The following CACNG3 variants were observed in gnomAD, a reference collection of about 807,000 sequenced individuals.
The protein encoded by CACNG3 is calcium voltage-gated channel auxiliary subunit gamma 3, also known as voltage-dependent calcium channel gamma-3 subunit.
Under a neutral mutation model 28.5 loss-of-function variants are expected in CACNG3, and 3 were observed. The observed-to-expected ratio is 0.11, with a 90% CI of 0.05 to 0.27. CACNG3 has a LOEUF of 0.27. Ranked by LOEUF, CACNG3 falls within the 10% of genes least tolerant of loss-of-function variation. The pLI, the probability that CACNG3 is intolerant of heterozygous loss-of-function variation, is 1.00. For synonymous variants in CACNG3, 174 were observed against 162.2 expected (o/e 1.07, Z -0.55); for missense variants, 236 against 414.4 (o/e 0.57, Z 3.74).
intron 1 of CACNG3, among the ~76,000 whole-genome samples, chr16:24,328,577 GA>G (rs1567220096): frequency 6.6e-6 from 1 of 151,496 alleles, no homozygotes; most frequent in Non-Finnish European, 1.5e-5. Context: ...TAGGAAATAA[GA>G]AGTCAGAAAA....
At chr16:24,316,817 C>T (rs1899358399) in intron 1 of CACNG3, among the ~76,000 whole-genome samples, 1 of 152,228 alleles carries the variant, frequency 6.6e-6, no homozygotes, top group South Asian at 2.1e-4. Context: ...GGAGTGGAAA[C>T]AAACAGACCT....
At chr16:24,318,190 T>A (rs11074614) in intron 1 of CACNG3, among the ~76,000 whole-genome samples, 111,242 of 150,960 alleles carry the variant, frequency 0.74, 41,017 homozygotes, top group Middle Eastern at 0.83. Flanking sequence ...TCCTTTTGTA[T>A]TTTTTTTTTC....
chr16:24,322,089 T>A (rs1158257647), intron 1 of CACNG3, among the ~76,000 whole-genome samples: 2 of 152,092 alleles, frequency 1.3e-5, no homozygotes, highest in African/African-American at 4.8e-5. Flanking sequence ...GCTAATTCAA[T>A]GGGGGAACCT....
chr16:24,298,354 C>A (rs1030149060), intron 1 of CACNG3, among the ~76,000 whole-genome samples: 2 of 152,000 alleles, frequency 1.3e-5, no homozygotes, highest in African/African-American at 2.4e-5. Context: ...TTTAGTTAAT[C>A]CCCAGTTATT....
chr16:24,301,826 T>C (rs1179526676), intron 1 of CACNG3, among the ~76,000 whole-genome samples: 1 of 152,170 alleles, frequency 6.6e-6, no homozygotes, highest in Non-Finnish European at 1.5e-5. Flanking sequence ...AGTGGAGACA[T>C]TAAAGATCAT....
At chr16:24,351,735 G>A (rs1157180636) in intron 2 of CACNG3, among the ~76,000 whole-genome samples, 2 of 78,884 alleles carry the variant, frequency 2.5e-5, no homozygotes, top group African/African-American at 4.9e-5. Flanking sequence ...GAGAGAGAGA[G>A]AAAGGAAGGA....
chr16:24,347,874 A>G (rs1899890387), intron 2 of CACNG3, among the ~76,000 whole-genome samples: 1 of 151,916 alleles, frequency 6.6e-6, no homozygotes, highest in Non-Finnish European at 1.5e-5. Flanking sequence ...ACCTTTCTTC[A>G]TTTTTTTCTG....
intron 1 of CACNG3, among the ~76,000 whole-genome samples, chr16:24,297,025 G>C (rs980694540): frequency 6.6e-6 from 1 of 152,074 alleles, no homozygotes; most frequent in African/African-American, 2.4e-5. Flanking sequence ...AGAACTTTGG[G>C]AGGCCAAGGC....
intron 1 of CACNG3, among the ~76,000 whole-genome samples, chr16:24,275,216 G>C (rs1198602117): frequency 2.0e-5 from 3 of 151,960 alleles, no homozygotes; most frequent in Admixed American, 2.0e-4. Flanking sequence ...GATATGATTT[G>C]CTTTTTTCAA....
Position 24,346,581 on chromosome 16 carries a change from TA to T in CACNG3, c.212-147del, listed in dbSNP as rs572934113. Among the ~76,000 whole-genome samples, 1,333 of 151,926 alleles carry T rather than the reference TA, an allele frequency of 8.8e-3. 12 individuals are homozygous for T. The highest frequency in any genetic ancestry group is 0.015 in the Non-Finnish European group (1,030 of 67,952). On this transcript the variant is annotated intron_variant, in intron 1 of 3. Coordinates refer to ENST00000005284, the MANE Select transcript of CACNG3 (RefSeq NM_006539.4). ...CCACAGAATGAGACCCTGTCTCTAA[TA>T]AAAAATAAAGGTGCTCTTGGGCCTA...
chr16:24,345,342 G>A (rs1180186608), intron 1 of CACNG3, among the ~76,000 whole-genome samples: 2 of 152,136 alleles, frequency 1.3e-5, no homozygotes, highest in South Asian at 2.1e-4. Flanking sequence ...AACTGGCAGA[G>A]CTATTAACTG....
At chr16:24,312,970 G>GAGAAAGAAAGAAAGA (rs1899291167) in intron 1 of CACNG3, among the ~76,000 whole-genome samples, 1 of 130,490 alleles carries the variant, frequency 7.7e-6, no homozygotes, top group Admixed American at 7.7e-5. Context: ...AGAAAGAAAA[G>GAGAAAGAAAGAAAGA]AAAGAAAGAA....
Position 24,314,420 on chromosome 16 carries a change from C to T in CACNG3, c.212-32314C>T, listed in dbSNP as rs142314649. Among the ~76,000 whole-genome samples the T allele has an allele frequency of 3.4e-3, 514 of 152,236 alleles. 3 individuals carry two copies. The highest frequency in any genetic ancestry group is 0.012 in the African/African-American group (491 of 41,530). ...GGTCAGTCCAGCAGCCACGGGTGAT[C>T]GAGCTCCAGGCCAGCTGCCTAAGGG... On this transcript the variant is annotated intron_variant, in intron 1 of 3. Transcript: ENST00000005284.
At chr16:24,276,417 A>G (rs1898754269) in intron 1 of CACNG3, among the ~76,000 whole-genome samples, 1 of 152,256 alleles carries the variant, frequency 6.6e-6, no homozygotes, top group South Asian at 2.1e-4. Context: ...AGTGTAAAGG[A>G]GTCCTAAGAC....
intron 1 of CACNG3, among the ~76,000 whole-genome samples, chr16:24,271,677 A>G (rs1898692706): frequency 6.6e-6 from 1 of 152,194 alleles, no homozygotes; most frequent in Non-Finnish European, 1.5e-5. Context: ...GGTCCTGAGG[A>G]TTTAGCAGAA....
chr16:24,358,137 C>T (rs548922895), intron 3 of CACNG3, among the ~76,000 whole-genome samples: 1 of 152,294 alleles, frequency 6.6e-6, no homozygotes, highest in South Asian at 2.1e-4. Context: ...TCATTTGAGG[C>T]AAGCAATTAA....
rs1899166872 is a variant in CACNG3 at position 24,305,067 on chromosome 16, TA to T, written c.212-41665del. 2.0e-5 allele frequency among the ~76,000 whole-genome samples: 3 copies of T among 151,952 alleles called. No individual in the cohort carries two copies. The South Asian group carries it at 6.2e-4, about 32-fold the overall frequency. On this transcript the variant is annotated intron_variant, in intron 1 of 3. Coordinates refer to ENST00000005284, the MANE Select transcript of CACNG3 (RefSeq NM_006539.4). ...CAGGGGCTTAACTGTCAAATTTGAG[TA>T]ACAAAAAAGGGATGGAACCCTAATG...
chr16:24,306,679 G>A (rs937598179), intron 1 of CACNG3, among the ~76,000 whole-genome samples: 4 of 151,998 alleles, frequency 2.6e-5, no homozygotes, highest in South Asian at 2.1e-4. Flanking sequence ...AGTTTGCATC[G>A]GGCAGGATAC....
At chr16:24,257,368 G>GGGGGGA (rs1287474223) in intron 1 of CACNG3, among the ~76,000 whole-genome samples, 1 of 52,844 alleles carries the variant, frequency 1.9e-5, no homozygotes, top group Non-Finnish European at 3.5e-5. Flanking sequence ...AAGTGAGGGG[G>GGGGGGA]GAGAGAGAGA....
Sources: allele counts gnomAD v4.1 joint callset (sites outside exome capture counted in the v4.1 genomes callset), GRCh38; gene constraint gnomAD v4.1.1; transcripts MANE v1.5; gene names NCBI Gene and HGNC (gene_info 2026-07-23, HGNC 2026-07-21).